Variants in IDUA observed in about 807,000 individuals in gnomAD.
The protein encoded by IDUA is alpha-L-iduronidase.
IDUA carries 65 observed loss-of-function variants against 68.9 expected under a neutral mutation model. That is an observed-to-expected ratio of 0.94 (90% CI 0.77 to 1.16). The LOEUF (loss-of-function observed/expected upper bound fraction) is 1.16. Ranked by LOEUF, IDUA falls within the 50% of genes most tolerant of loss-of-function variation. IDUA has a pLI of 0.00. For missense variants in IDUA, 1,046 were observed against 938.0 expected (o/e 1.12, Z -1.50); for synonymous variants, 529 against 433.6 (o/e 1.22, Z -2.73).
intron 2 of IDUA, 181 bp downstream of exon 2, chr4:988,130 C>G (rs1713893264): frequency 5.0e-6 from 7 of 1,412,030 alleles, no homozygotes; most frequent in Non-Finnish European, 5.5e-6. Context: ...GAGGGAGCCC[C>G]TGCATGGGGC....
chr4:987,342 C>G (rs1171961285), intron 1 of IDUA, 100 bp downstream of exon 1: 3 of 1,155,308 alleles, frequency 2.6e-6, no homozygotes, highest in East Asian at 2.9e-5. Context: ...GGAGCTCCCT[C>G]CTCTGGGGCC....
At chr4:998,452 C>G (rs1380813780) in intron 2 of IDUA, among the ~76,000 whole-genome samples, 1 of 152,168 alleles carries the variant, frequency 6.6e-6, no homozygotes, top group Non-Finnish European at 1.5e-5. Flanking sequence ...AGATGCGGCA[C>G]AAAGCCAGCT....
At position 1,004,519 on chromosome 4, in the gene IDUA, A is replaced by G; in HGVS notation, c.*126A>G. On this transcript the variant is annotated 3_prime_UTR_variant, in exon 14 of 14. Coordinates refer to ENST00000514224, the MANE Select transcript of IDUA (RefSeq NM_000203.5). This position sits in a 1 kb window ranked among gnomAD's most constrained non-coding sequence, Gnocchi z 5.0. Reference sequence around the variant, plus strand: ...TTTTTATATTTTATTATTTTCTTTTATATCTTGGTACCAACGCCCCCTTTA... The same window carrying G: ...TTTTTATATTTTATTATTTTCTTTTGTATCTTGGTACCAACGCCCCCTTTA... The G allele has an allele frequency of 9.9e-7, 1 of 1,005,524 alleles. No homozygotes were observed. The allele number at this position is 1,005,524 out of a possible 1,614,324, so 62.3% of individuals were successfully genotyped here. A position where few individuals can be genotyped will look rare whatever the true frequency, so the allele number is the denominator to read the frequency against.
At chr4:988,430 A>C (rs1713922540) in intron 2 of IDUA, 17 of 1,064,754 alleles carry the variant, frequency 1.6e-5, no homozygotes, top group Non-Finnish European at 1.9e-5. Flanking sequence ...GCTGGCTCCT[A>C]CCAGCAGGGT....
At chr4:987,698 G>C (rs1415919635) in intron 1 of IDUA, 111 bp from the exon 2 acceptor site, 8 of 1,544,702 alleles carry the variant, frequency 5.2e-6, no homozygotes, top group Non-Finnish European at 7.0e-6. Flanking sequence ...CTGAACGCAC[G>C]GGCAGCGCCT....
chr4:988,372 G>A (rs1272412782), intron 2 of IDUA: 2 of 1,069,010 alleles, frequency 1.9e-6, no homozygotes, highest in African/African-American at 1.7e-5. Flanking sequence ...ACTTGGGTGT[G>A]TGGGGCCTTC....
rs773824452 is a variant in IDUA at position 989,410 on chromosome 4, G to A, written c.299+1461G>A. The A allele has an allele frequency of 3.8e-6, 6 of 1,559,578 alleles. No individual in the cohort carries two copies. In the East Asian group the frequency reaches 7.2e-5, roughly 19 times the overall value. On this transcript the variant is annotated intron_variant, in intron 2 of 13. Coordinates refer to ENST00000514224, the MANE Select transcript of IDUA (RefSeq NM_000203.5). ...GTCCCCGATGCGGGCCAGCAGGGCG[G>A]TGCGTGGGCGTTGGGTGCGGCCGGC...
At chr4:1,002,544 TGCGAAGGCCCC>T (rs1395540551) in intron 8 of IDUA, 59 bp downstream of exon 8, 1 of 1,378,920 alleles carries the variant, frequency 7.3e-7, no homozygotes, top group Non-Finnish European at 9.4e-7. Flanking sequence ...GAGCGGCTCC[TGCGAAGGCCCC>T]GCTGCGGGGA....
chr4:990,832 G>A (rs1714231807), intron 2 of IDUA: 1 of 431,952 alleles, frequency 2.3e-6, no homozygotes, highest in Non-Finnish European at 4.1e-6. Flanking sequence ...GAGGCCACAT[G>A]GCCTCAGTCC....
intron 2 of IDUA, chr4:988,645 T>C (rs1713943128): frequency 2.2e-6 from 3 of 1,393,922 alleles, no homozygotes; most frequent in African/African-American, 1.5e-5. Flanking sequence ...TTCTGAGTGT[T>C]TGGGTCCTGC....
chr4:988,755 G>T, intron 2 of IDUA: 1 of 1,439,440 alleles, frequency 6.9e-7, no homozygotes, highest in South Asian at 1.5e-5. Flanking sequence ...TCCCTGGGAA[G>T]GGTCTCAGCA....
rs1248053776 is a variant in IDUA, at chr4:993,995, G to A, written c.299+6046G>A. Among the ~76,000 whole-genome samples the A allele has an allele frequency of 1.3e-5, 2 of 152,248 alleles. 1 individual carries two copies. Among genetic ancestry groups the A allele is most frequent in the South Asian group, 4.1e-4 (2 of 4,834 alleles). On this transcript the variant is annotated intron_variant, in intron 2 of 13. Transcript: ENST00000514224. The stretch of plus-strand genomic sequence containing the variant: ...ACTGGACCCAGCACCGACCCACAGC[G>A]CCTGGTCACCCTCACGGCTCCTCTG...
rs1715076643 is a variant in IDUA, at chr4:1,001,570, A to G, written c.589+7A>G. 3 of 1,612,790 alleles carry G rather than the reference A, an allele frequency of 1.9e-6. No homozygotes were observed. The African/African-American group carries it at 4.0e-5, about 22-fold the overall frequency. On this transcript the variant is annotated splice_region_variant and intron_variant, in intron 5 of 13. Transcript: ENST00000514224. ...GTCTCCATGACCATGCAAGGTGTGCACCGCTTCCTGGGGTCCTGCCCGGCT... is the reference window on the plus strand; with the variant it reads ...GTCTCCATGACCATGCAAGGTGTGCGCCGCTTCCTGGGGTCCTGCCCGGCT...
intron 2 of IDUA, chr4:991,875 G>A (rs547482147): frequency 8.9e-6 from 13 of 1,459,118 alleles, no homozygotes; most frequent in African/African-American, 7.0e-5. Flanking sequence ...CTGGCAGCGC[G>A]GGCCCCAGCC....
In IDUA at chr4:1,000,676, A is replaced by G. The variant is rs1478823572; in HGVS notation, c.364A>G (p.Arg122Gly). 1 of 1,611,342 alleles carries G rather than the reference A, an allele frequency of 6.2e-7. No individual in the cohort carries two copies. Among genetic ancestry groups the G allele is most frequent in the Admixed American group, 1.7e-5 (1 of 60,018 alleles). ...CCTGGACGGGTACCTGGACCTTCTC[A>G]GGGAGAACCAGCTCCTCCCAGGTGA... ...THLDGYLDLL[R>G]ENQLLPGFEL... Residue 122 changes from arginine to glycine, a missense_variant, in exon 3 of 14, where the codon AGG becomes GGG. By Grantham distance (125) the Arg-to-Gly change is moderately radical. Coordinates refer to ENST00000514224, the MANE Select transcript of IDUA (RefSeq NM_000203.5).
At position 990,327 on chromosome 4, in the gene IDUA, G is replaced by A. The variant is rs575404975; in HGVS notation, c.299+2378G>A. On this transcript the variant is annotated intron_variant, in intron 2 of 13. Coordinates refer to ENST00000514224, the MANE Select transcript of IDUA (RefSeq NM_000203.5). ...CGAGCAGTGGCTGTGAGAGGTAGGC[G>A]GACACGAAGCCCAGCCGGAGGACGC... 189 of 1,604,558 alleles carry A rather than the reference G, an allele frequency of 1.2e-4. No homozygotes were observed. The South Asian group carries it at 1.4e-3, about 12-fold the overall frequency.
Position 1,003,419 on chromosome 4 carries a change from G to A in IDUA, c.1599G>A (p.Pro533=), listed in dbSNP as rs773947412. 2.2e-5 allele frequency: 34 copies of A among 1,528,132 alleles called. No homozygotes were observed. Among genetic ancestry groups the A allele is most frequent in the East Asian group, 2.0e-4 (8 of 40,034 alleles). The allele number at this position is 1,528,132 out of a possible 1,614,324, so 94.7% of individuals were successfully genotyped here. A position where few individuals can be genotyped will look rare whatever the true frequency, so the allele number is the denominator to read the frequency against. ...RLTLRPALRL[P]SLLLVHVCAR... is the part of the protein sequence containing the mutation. ...CCCTGCGCCCCGCGCTGCGGCTGCC[G>A]TCGCTTTTGCTGGTGCACGTGTGTG... is the stretch of plus-strand genomic sequence containing the variant. The change falls in exon 11 of 14, where the codon CCG becomes CCA. Residue 533 remains proline, a synonymous_variant. Coordinates refer to ENST00000514224, the MANE Select transcript of IDUA (RefSeq NM_000203.5).
intron 2 of IDUA, chr4:988,499 G>A: frequency 8.7e-7 from 1 of 1,144,122 alleles, no homozygotes; most frequent in South Asian, 3.1e-5. Flanking sequence ...GCTGCATGAT[G>A]GCGGGGGACC....
At chr4:994,481 A>G (rs1207662309) in intron 2 of IDUA, among the ~76,000 whole-genome samples, 1 of 144,234 alleles carries the variant, frequency 6.9e-6, no homozygotes, top group Non-Finnish European at 1.5e-5. Context: ...TCTGTTGCCC[A>G]GGCTGGAGTA....
Sources: allele counts gnomAD v4.1 joint callset (sites outside exome capture counted in the v4.1 genomes callset), GRCh38; gene constraint gnomAD v4.1.1; non-coding constraint Gnocchi (gnomAD v3.1); transcripts MANE v1.5; gene names NCBI Gene and HGNC (gene_info 2026-07-23, HGNC 2026-07-21).